Variants in PSD3 observed in about 807,000 individuals in gnomAD.
PSD3 encodes the protein PH and SEC7 domain-containing protein 3.
A neutral mutation model predicts 105.5 loss-of-function variants in PSD3; 49 were observed. That is an observed-to-expected ratio of 0.46 (90% CI 0.37 to 0.59). PSD3 has a LOEUF of 0.59. PSD3 is among the 20% of genes least tolerant of loss of function. The probability of loss-of-function intolerance (pLI) is 0.00; values close to 1 mark genes in which losing one functional copy is unlikely to be tolerated. For missense variants in PSD3, 1,561 were observed against 1,263.8 expected (o/e 1.24, Z -3.57); for synonymous variants, 557 against 457.8 (o/e 1.22, Z -2.77).
intron 9 of PSD3, among the ~76,000 whole-genome samples, chr8:18,670,504 G>A (rs542631662): frequency 3.9e-5 from 6 of 152,268 alleles, no homozygotes; most frequent in African/African-American, 1.4e-4. Flanking sequence ...GGTGAGGTAA[G>A]TTGACTGGGA....
At position 18,665,790 on chromosome 8, in the gene PSD3, G is replaced by C. The variant is rs1799417400; in HGVS notation, c.2173-10105C>G. Among the ~76,000 whole-genome samples the C allele has an allele frequency of 2.0e-5, 3 of 152,220 alleles. No homozygotes were observed. The South Asian group carries it at 6.2e-4, about 32-fold the overall frequency. ...TGTTTGAGCCTGGGAGATCAAGGCT[G>C]CAGTGAGCTGTGATCGTGCCACTGC... On this transcript the variant is annotated intron_variant, in intron 9 of 15. Transcript: ENST00000327040.
intron 9 of PSD3, among the ~76,000 whole-genome samples, chr8:18,667,941 C>T (rs1396173132): frequency 6.6e-6 from 1 of 152,386 alleles, no homozygotes; most frequent in African/African-American, 2.4e-5. Flanking sequence ...AAGCCCCTCA[C>T]TGCCCGAGGC....
chr8:18,867,786 A>G lies in PSD3; in HGVS notation c.1522T>C (p.Ser508Pro). The change falls in exon 4 of 16, where the codon TCT becomes CCT. Residue 508 changes from serine (S) to proline (P), a missense_variant. Coordinates refer to ENST00000327040, the MANE Select transcript of PSD3 (RefSeq NM_015310.4). ...GGGHQDILSV[S>P]ADGGIVMGYS... The stretch of plus-strand genomic sequence containing the variant: ...CCCATCACGATGCCACCATCTGCAG[A>G]CACACTCAGGATATCCTGATGTCCT... The G allele has an allele frequency of 6.2e-7, 1 of 1,614,188 alleles. No individual in the cohort carries two copies. Among genetic ancestry groups the G allele is most frequent in the South Asian group, 1.1e-5 (1 of 91,080 alleles).
At chr8:18,850,293 C>T (rs930474546) in intron 4 of PSD3, among the ~76,000 whole-genome samples, 1 of 152,232 alleles carries the variant, frequency 6.6e-6, no homozygotes, top group East Asian at 1.9e-4. Context: ...ATGGTGGCAT[C>T]TCTATTTCAG....
intron 1 of PSD3, among the ~76,000 whole-genome samples, chr8:19,062,428 C>T (rs896758624): frequency 2.5e-4 from 38 of 152,104 alleles, no homozygotes; most frequent in Admixed American, 6.6e-5. Context: ...GAAACTGAAA[C>T]TCAGAAGAGT....
intron 1 of PSD3, among the ~76,000 whole-genome samples, chr8:18,992,552 A>G (rs1211188414): frequency 6.6e-6 from 1 of 152,206 alleles, no homozygotes; most frequent in African/African-American, 2.4e-5. Context: ...ACGAACTGAA[A>G]GCTTTTCTTT....
intron 15 of PSD3, among the ~76,000 whole-genome samples, chr8:18,539,547 C>CTT (rs547299808): frequency 1.2e-4 from 16 of 133,846 alleles, no homozygotes; most frequent in East Asian, 2.2e-4. Flanking sequence ...TAGTAAATTA[C>CTT]TTTTTTTTTT....
rs187123291 is a variant in PSD3 at position 18,568,205 on chromosome 8, A to C, written c.2784+4323T>G. Among the ~76,000 whole-genome samples the C allele has an allele frequency of 2.3e-3, 343 of 152,300 alleles. 2 individuals carry two copies. Among genetic ancestry groups the C allele is most frequent in the African/African-American group, 7.8e-3 (326 of 41,560 alleles). ...CCAGGCTCTAGTATTCTTTATAGAA[A>C]CACAAAATGGGCTAAGATACCCAGT... On this transcript the variant is annotated intron_variant, in intron 14 of 15. Transcript: ENST00000327040.
At chr8:18,723,002 A>G (rs756120814) in intron 9 of PSD3, among the ~76,000 whole-genome samples, 4 of 152,234 alleles carry the variant, frequency 2.6e-5, no homozygotes, top group Non-Finnish European at 5.9e-5. Context: ...AGAACATGCA[A>G]CATAACTCAT....
chr8:18,987,577 G>C (rs1344661769), intron 1 of PSD3, among the ~76,000 whole-genome samples: 1 of 151,642 alleles, frequency 6.6e-6, no homozygotes, highest in Non-Finnish European at 1.5e-5. Context: ...CCAGTACTTT[G>C]AAAGGACAAG....
intron 1 of PSD3, among the ~76,000 whole-genome samples, chr8:19,045,427 T>C (rs761994575): frequency 1.3e-5 from 2 of 152,002 alleles, no homozygotes; most frequent in African/African-American, 4.8e-5. Context: ...TTAAGGGAGG[T>C]GAGACTGACA....
intron 14 of PSD3, 136 bp from the exon 15 acceptor site, chr8:18,556,488 T>A: frequency 2.3e-6 from 2 of 869,490 alleles, no homozygotes; most frequent in South Asian, 1.7e-5. Flanking sequence ...TGCTGCCACA[T>A]CCTTCCAGCT....
At chr8:18,912,230 G>A (rs1044748063) in intron 2 of PSD3, among the ~76,000 whole-genome samples, 1 of 152,126 alleles carries the variant, frequency 6.6e-6, no homozygotes, top group South Asian at 2.1e-4. Context: ...ACACCACTGG[G>A]ATTTTGACAA....
At chr8:18,568,486 G>C (rs892125144) in intron 14 of PSD3, among the ~76,000 whole-genome samples, 5 of 123,794 alleles carry the variant, frequency 4.0e-5, no homozygotes, top group Non-Finnish European at 2.0e-5. Flanking sequence ...GACTCCAGAA[G>C]CAGGTCAGAC....
intron 14 of PSD3, chr8:18,557,602 G>C (rs562130726): frequency 1.3e-5 from 2 of 153,570 alleles, no homozygotes; most frequent in African/African-American, 4.8e-5. Flanking sequence ...AAGAAAGGTA[G>C]CATGAACACG....
chr8:18,672,595 T>A (rs1012257845), intron 9 of PSD3, among the ~76,000 whole-genome samples: 1 of 152,266 alleles, frequency 6.6e-6, no homozygotes, highest in Middle Eastern at 3.2e-3. Flanking sequence ...GTTTTTCGTT[T>A]AGCTAAATGA....
rs562770019 is a variant in PSD3 at position 18,536,128 on chromosome 8, T to G, written c.2929-170A>C. Among the ~76,000 whole-genome samples, 4 of 152,364 alleles carry G rather than the reference T, an allele frequency of 2.6e-5. No homozygotes were observed. In the East Asian group the frequency reaches 7.7e-4, roughly 29 times the overall value. ...ACTTACTGGGCACATGAGAGGCAACTACAGAGACTGTCTTATGTAGATAAG... is the reference window on the plus strand; with the variant it reads ...ACTTACTGGGCACATGAGAGGCAACGACAGAGACTGTCTTATGTAGATAAG... On this transcript the variant is annotated intron_variant, in intron 15 of 15. Coordinates refer to ENST00000327040, the MANE Select transcript of PSD3 (RefSeq NM_015310.4).
rs1483671982 is a variant in PSD3 at position 18,603,173 on chromosome 8, T to C, written c.2411-2739A>G. On this transcript the variant is annotated intron_variant, in intron 11 of 15. Transcript: ENST00000327040. ...TGAGCCCATCTTTTCACTGCAGTTT[T>C]TACTGTGCATACTTAAGGTCCAAAG... Among the ~76,000 whole-genome samples, 4 of 152,226 alleles carry C rather than the reference T, an allele frequency of 2.6e-5. No homozygotes were observed. The East Asian group carries it at 7.7e-4, about 29-fold the overall frequency.
At position 18,539,934 on chromosome 8, in the gene PSD3, C is replaced by G. The variant is rs148790837; in HGVS notation, c.2929-3976G>C. 1.4e-4 allele frequency among the ~76,000 whole-genome samples: 22 copies of G among 152,244 alleles called. No homozygotes were observed. In the East Asian group the frequency reaches 4.3e-3, roughly 29 times the overall value. On this transcript the variant is annotated intron_variant, in intron 15 of 15. Transcript: ENST00000327040. ...AAGTGGTCATCATGGACCCAAGAAGCTCATCAATCATATTGCGGCAGACGG... is the reference window on the plus strand; with the variant it reads ...AAGTGGTCATCATGGACCCAAGAAGGTCATCAATCATATTGCGGCAGACGG...
Sources: allele counts gnomAD v4.1 joint callset (sites outside exome capture counted in the v4.1 genomes callset), GRCh38; gene constraint gnomAD v4.1.1; transcripts MANE v1.5; gene names NCBI Gene and HGNC (gene_info 2026-07-23, HGNC 2026-07-21).